The following THSD7B variants were observed in gnomAD, a reference collection of about 807,000 sequenced individuals.
THSD7B encodes the protein thrombospondin type-1 domain-containing protein 7B.
A neutral mutation model predicts 213.6 loss-of-function variants in THSD7B; 138 were observed. That is an observed-to-expected ratio of 0.65 (90% CI 0.56 to 0.74). The LOEUF (loss-of-function observed/expected upper bound fraction) is 0.74. Among genes scored for constraint, THSD7B ranks in the 30% least tolerant of loss-of-function variants. The pLI, the probability that THSD7B is intolerant of heterozygous loss-of-function variation, is 0.00. For missense variants in THSD7B, 1,931 were observed against 1,991.5 expected, an observed-to-expected ratio of 0.97 and a Z score of 0.58; for synonymous variants, 742 against 687.0, an observed-to-expected ratio of 1.08 and a Z score of -1.25.
intron 16 of THSD7B, among the ~76,000 whole-genome samples, chr2:137,563,887 G>C (rs1010613547): frequency 6.6e-6 from 1 of 152,120 alleles, no homozygotes; most frequent in African/African-American, 2.4e-5. Flanking sequence ...ATTTACTGAG[G>C]AAACTGGTTT....
intron 27 of THSD7B, among the ~76,000 whole-genome samples, chr2:137,672,890 G>A (rs921145675): frequency 4.6e-5 from 7 of 152,202 alleles, no homozygotes; most frequent in Admixed American, 1.3e-4. Flanking sequence ...TCCTCTGGCA[G>A]TAAATATCCA....
intron 20 of THSD7B, chr2:137,642,236 A>G (rs1421658583): frequency 5.0e-6 from 2 of 397,968 alleles, no homozygotes; most frequent in African/African-American, 2.1e-5. Context: ...CTTGGCAACA[A>G]TAGAACGTTT....
At position 137,303,694 on chromosome 2, in the gene THSD7B, TTATATATATTTATATATATATTTA is replaced by T. The variant is rs1163593492; in HGVS notation, c.2500+27702_2500+27725del. Among the ~76,000 whole-genome samples, 16 of 93,964 alleles carry T rather than the reference TTATATATATTTATATATATATTTA, an allele frequency of 1.7e-4. 1 individual carries two copies. The highest frequency in any genetic ancestry group is 8.0e-4 in the African/African-American group (16 of 20,008). The allele number at this position is 93,964 out of a possible 152,430, so 61.6% of individuals were successfully genotyped here. A position where few individuals can be genotyped will look rare whatever the true frequency, so the allele number is the denominator to read the frequency against. ...TATTAATATATATATTTATATATAT[TTATATATATTTATATATATATTTA>T]TATATATATTTATATATATATTTAT... On this transcript the variant is annotated intron_variant, in intron 12 of 27. Transcript: ENST00000409968.
chr2:137,480,861 G>A (rs553271585), intron 15 of THSD7B, among the ~76,000 whole-genome samples: 16 of 152,296 alleles, frequency 1.1e-4, no homozygotes, highest in African/African-American at 3.1e-4. Context: ...CCAGAAGCAC[G>A]AAGTGCTATG....
chr2:137,311,644 GT>G (rs1305473374), intron 12 of THSD7B, among the ~76,000 whole-genome samples: 1 of 152,012 alleles, frequency 6.6e-6, no homozygotes, highest in African/African-American at 2.4e-5. Context: ...CTGTGGGTTT[GT>G]CATAGATAGC....
At chr2:136,938,857 G>A (rs1382035159) in intron 2 of THSD7B, among the ~76,000 whole-genome samples, 1 of 152,116 alleles carries the variant, frequency 6.6e-6, no homozygotes, top group Admixed American at 6.5e-5. Context: ...GTGTCACAGA[G>A]GTGACTGCCA....
At chr2:137,361,704 A>G (rs1349839445) in intron 12 of THSD7B, among the ~76,000 whole-genome samples, 1 of 152,170 alleles carries the variant, frequency 6.6e-6, no homozygotes, top group Non-Finnish European at 1.5e-5. Context: ...AAATAAATGA[A>G]CAAACTCTCC....
intron 3 of THSD7B, among the ~76,000 whole-genome samples, chr2:137,079,176 A>G (rs868498388): frequency 3.3e-5 from 5 of 151,784 alleles, no homozygotes; most frequent in Admixed American, 6.6e-5. Flanking sequence ...TGTAATTGCA[A>G]ATTTTCTATG....
intron 17 of THSD7B, among the ~76,000 whole-genome samples, chr2:137,583,614 G>T (rs1212409543): frequency 6.6e-6 from 1 of 152,108 alleles, no homozygotes; most frequent in African/African-American, 2.4e-5. Context: ...CCCATTATTT[G>T]TTTTTCTCAG....
intron 15 of THSD7B, among the ~76,000 whole-genome samples, chr2:137,474,992 A>G (rs1277273117): frequency 3.3e-5 from 5 of 152,066 alleles, no homozygotes; most frequent in Non-Finnish European, 5.9e-5. Flanking sequence ...TTTCTCTAGG[A>G]CTGGGTATTC....
intron 27 of THSD7B, among the ~76,000 whole-genome samples, chr2:137,669,691 A>G (rs1457966625): frequency 6.6e-6 from 1 of 152,102 alleles, no homozygotes; most frequent in African/African-American, 2.4e-5. Context: ...TAGATAGTCT[A>G]TCGGTCTATA....
At chr2:136,914,273 T>G (rs1684315629) in intron 2 of THSD7B, among the ~76,000 whole-genome samples, 1 of 152,236 alleles carries the variant, frequency 6.6e-6, no homozygotes, top group Non-Finnish European at 1.5e-5. Context: ...GTACCCTCAT[T>G]GTATCTAGAA....
chr2:136,946,785 C>T (rs573852732), intron 2 of THSD7B, among the ~76,000 whole-genome samples: 30 of 152,330 alleles, frequency 2.0e-4, no homozygotes, highest in African/African-American at 6.5e-4. Context: ...TGGGACCCAC[C>T]GAGCCTTGCA....
chr2:137,105,007 G>A (rs1228246450), intron 4 of THSD7B, among the ~76,000 whole-genome samples: 1 of 152,142 alleles, frequency 6.6e-6, no homozygotes. Flanking sequence ...CATTCCTTCT[G>A]AAACTATTCC....
intron 16 of THSD7B, among the ~76,000 whole-genome samples, chr2:137,567,243 A>C (rs1362824429): frequency 6.6e-6 from 1 of 151,838 alleles, no homozygotes; most frequent in East Asian, 1.9e-4. Flanking sequence ...ATCCCAGCTC[A>C]CTGCAGCCTC....
chr2:136,990,314 T>A (rs1685752810), intron 2 of THSD7B, among the ~76,000 whole-genome samples: 1 of 152,250 alleles, frequency 6.6e-6, no homozygotes, highest in African/African-American at 2.4e-5. Flanking sequence ...TTCAGATAGA[T>A]TGGTCTTTGG....
chr2:136,998,268 A>G (rs1352765569), intron 2 of THSD7B, among the ~76,000 whole-genome samples: 1 of 134,882 alleles, frequency 7.4e-6, no homozygotes, highest in African/African-American at 2.9e-5. Context: ...GGCCAAAAAA[A>G]AAAAAAAAAA....
intron 2 of THSD7B, among the ~76,000 whole-genome samples, chr2:136,915,941 G>A (rs941149868): frequency 6.6e-6 from 1 of 152,162 alleles, no homozygotes; most frequent in African/African-American, 2.4e-5. Flanking sequence ...TATACTTGAA[G>A]TACATTTTAA....
intron 15 of THSD7B, among the ~76,000 whole-genome samples, chr2:137,453,123 G>C (rs1196297445): frequency 6.6e-6 from 1 of 151,952 alleles, no homozygotes; most frequent in Non-Finnish European, 1.5e-5. Context: ...CAGATATCAA[G>C]TATGTATGTG....
Sources: allele counts gnomAD v4.1 joint callset (sites outside exome capture counted in the v4.1 genomes callset), GRCh38; gene constraint gnomAD v4.1.1; transcripts MANE v1.5; gene names NCBI Gene and HGNC (gene_info 2026-07-23, HGNC 2026-07-21).